The following SLC5A12 variants were observed in gnomAD, a reference collection of about 807,000 sequenced individuals.
SLC5A12 encodes sodium-coupled monocarboxylate transporter 2.
SLC5A12 carries 46 observed loss-of-function variants against 72.7 expected under a neutral mutation model. The observed-to-expected ratio is 0.63, with a 90% CI of 0.50 to 0.81. The LOEUF (loss-of-function observed/expected upper bound fraction) is 0.81. SLC5A12 is among the 30% of genes least tolerant of loss of function. The probability of loss-of-function intolerance (pLI) is 0.00; values close to 1 mark genes in which losing one functional copy is unlikely to be tolerated. For missense variants in SLC5A12, 683 were observed against 740.7 expected, an observed-to-expected ratio of 0.92 and a Z score of 0.90; for synonymous variants, 275 against 264.4, an observed-to-expected ratio of 1.04 and a Z score of -0.39.
intron 13 of SLC5A12, 117 bp downstream of exon 13, chr11:26,678,595 G>T: frequency 1.4e-6 from 1 of 721,224 alleles, no homozygotes; most frequent in Non-Finnish European, 2.4e-6. Flanking sequence ...CATCTCTGTG[G>T]GAAGAAGGGT....
rs1374163950 is a variant in SLC5A12, at chr11:26,686,522, A to G, written c.1176T>C (p.Cys392=). 16 of 1,614,038 alleles carry G rather than the reference A, an allele frequency of 9.9e-6. No homozygotes were observed. Among genetic ancestry groups the G allele is most frequent in the Middle Eastern group, 1.7e-4 (1 of 6,060 alleles). Residue 392 remains cysteine (C), a synonymous_variant, in exon 10 of 15, where the codon TGT becomes TGC. Transcript: ENST00000396005. ...CAGATGCAGCCACAGCCATAGAGGTACACATCACGCCAAATAAGAGACCTG... is the reference window on the plus strand; with the variant it reads ...CAGATGCAGCCACAGCCATAGAGGTGCACATCACGCCAAATAAGAGACCTG... The part of the protein sequence containing the change: ...KGLCLLFGVM[C]TSMAVAASVM...
At chr11:26,716,058 A>G (rs1855342816) in intron 1 of SLC5A12, among the ~76,000 whole-genome samples, 1 of 152,254 alleles carries the variant, frequency 6.6e-6, no homozygotes, top group Non-Finnish European at 1.5e-5. Context: ...AGGTGTAACA[A>G]AAACCAAAAA....
At chr11:26,688,450 C>G (rs1413853868) in intron 9 of SLC5A12, among the ~76,000 whole-genome samples, 2 of 152,196 alleles carry the variant, frequency 1.3e-5, no homozygotes, top group Non-Finnish European at 2.9e-5. Flanking sequence ...CAAGGCAATT[C>G]AGCTACCCAG....
In SLC5A12 at chr11:26,692,523, G is replaced by A. The variant is rs565474066; in HGVS notation, c.1119C>T (p.Ser373=). The A allele has an allele frequency of 2.4e-5, 39 of 1,613,838 alleles. No individual in the cohort carries two copies. The highest frequency in any genetic ancestry group is 1.7e-4 in the Middle Eastern group (1 of 6,060). The part of the protein sequence containing the change: ...DFVKSCFPHL[S]DKLSTWISKG... ...TACTGATCCAGGTGCTCAGCTTGTCGGAGAGATGAGGAAAACAGCTCTTGA... is the reference window on the plus strand; with the variant it reads ...TACTGATCCAGGTGCTCAGCTTGTCAGAGAGATGAGGAAAACAGCTCTTGA... Residue 373 remains serine (S), a synonymous_variant, in exon 9 of 15, where the codon TCC becomes TCT. Transcript: ENST00000396005.
At chr11:26,672,154 C>G (rs1399869217) in intron 14 of SLC5A12, among the ~76,000 whole-genome samples, 2 of 152,104 alleles carry the variant, frequency 1.3e-5, no homozygotes, top group African/African-American at 4.8e-5. Context: ...CTGCACCTAA[C>G]TTCTGTATTC....
At chr11:26,721,330 G>A (rs1590747004) in intron 1 of SLC5A12, 46 bp downstream of exon 1, 2 of 1,423,728 alleles carry the variant, frequency 1.4e-6, no homozygotes, top group South Asian at 1.4e-5. Flanking sequence ...CTATCATCAA[G>A]AGGATGAGAA....
intron 3 of SLC5A12, 73 bp downstream of exon 3, chr11:26,711,234 A>G: frequency 3.2e-6 from 4 of 1,251,782 alleles, no homozygotes; most frequent in Non-Finnish European, 4.6e-6. Flanking sequence ...AAAGTATTTT[A>G]TTTCTAATTC....
At chr11:26,678,911 C>T (rs1451870393) in intron 12 of SLC5A12, 96 bp from the exon 13 acceptor site, 8 of 646,644 alleles carry the variant, frequency 1.2e-5, no homozygotes, top group Non-Finnish European at 2.0e-5. Context: ...CCTGGCATCT[C>T]AAAAGCCTAA....
chr11:26,678,864 CA>C, intron 12 of SLC5A12, 49 bp from the exon 13 acceptor site: 1 of 1,318,928 alleles, frequency 7.6e-7, no homozygotes, highest in Non-Finnish European at 1.1e-6. Context: ...TAAAGACCCA[CA>C]GTGATGTAGA....
At chr11:26,691,732 A>G (rs888623917) in intron 9 of SLC5A12, 3 of 152,314 alleles carry the variant, frequency 2.0e-5, no homozygotes, top group African/African-American at 7.2e-5. Context: ...TAGTAAGTAA[A>G]TACATAATTT....
In SLC5A12 at chr11:26,712,676, G is replaced by A. The variant is rs145373937; in HGVS notation, c.370C>T (p.Arg124Cys). 32 of 1,590,158 alleles carry A rather than the reference G, an allele frequency of 2.0e-5. No individual in the cohort carries two copies. The highest frequency in any genetic ancestry group is 4.5e-5 in the East Asian group (2 of 44,530). Residue 124 changes from arginine (R) to cysteine (C), a missense_variant, in exon 2 of 15, where the codon CGC becomes TGC. Physicochemically the swap from Arg to Cys is radical, Grantham distance 180. Coordinates refer to ENST00000396005, the MANE Select transcript of SLC5A12 (RefSeq NM_178498.4). ...ATGTAGATGACCGTGGCAGCATAGC[G>A]AACTGGTTTGTTGAATCGTAGTTGT... ...YLQLRFNKPV[R>C]YAATVIYIVQ...
At chr11:26,681,462 G>T (rs1854410646) in intron 11 of SLC5A12, among the ~76,000 whole-genome samples, 1 of 152,068 alleles carries the variant, frequency 6.6e-6, no homozygotes, top group Admixed American at 6.6e-5. Context: ...ATTATATTTA[G>T]ATTTCTAGCA....
chr11:26,719,162 A>C (rs1189040569), intron 1 of SLC5A12, among the ~76,000 whole-genome samples: 1 of 152,232 alleles, frequency 6.6e-6, no homozygotes, highest in Admixed American at 6.5e-5. Context: ...CAAAGTAAGT[A>C]AATTGTTCAA....
At position 26,670,431 on chromosome 11, in the gene SLC5A12, T is replaced by C. The variant is rs2133124650; in HGVS notation, c.*671A>G. ...ACAAAAGGAGCAAAGTTTTTAGTTA[T>C]AATCACTCCCACTAGCCAGACATAC... On this transcript the variant is annotated 3_prime_UTR_variant, in exon 15 of 15. Coordinates refer to ENST00000396005, the MANE Select transcript of SLC5A12 (RefSeq NM_178498.4). The C allele has an allele frequency of 6.6e-6, 1 of 152,188 alleles. No individual in the cohort carries two copies. The allele number at this position is 152,188 out of a possible 1,614,324, so 9.4% of individuals were successfully genotyped here. A position where few individuals can be genotyped will look rare whatever the true frequency, so the allele number is the denominator to read the frequency against.
chr11:26,701,095 C>T (rs1854947213), intron 6 of SLC5A12, among the ~76,000 whole-genome samples: 1 of 152,152 alleles, frequency 6.6e-6, no homozygotes. Context: ...GAGTGGCTTC[C>T]AGATGCCCCT....
intron 4 of SLC5A12, among the ~76,000 whole-genome samples, chr11:26,704,279 G>C (rs1855034283): frequency 6.6e-6 from 1 of 152,284 alleles, no homozygotes; most frequent in East Asian, 1.9e-4. Context: ...ACCTGGTCTT[G>C]AGGAAATGAT....
chr11:26,685,623 C>CAA (rs145824876), intron 10 of SLC5A12, among the ~76,000 whole-genome samples: 2,030 of 150,012 alleles, frequency 0.014, 42 homozygotes, highest in African/African-American at 0.046. Context: ...AACAAACAAA[C>CAA]AAAAAAACAA....
At chr11:26,709,537 G>GA (rs1263189448) in intron 3 of SLC5A12, among the ~76,000 whole-genome samples, 158 bp from the exon 4 acceptor site, 1 of 152,042 alleles carries the variant, frequency 6.6e-6, no homozygotes, top group African/African-American at 2.4e-5. Flanking sequence ...TCACCTTCGA[G>GA]AAAGATTATT....
chr11:26,697,735 T>C (rs1290777077), intron 7 of SLC5A12, among the ~76,000 whole-genome samples: 1 of 151,948 alleles, frequency 6.6e-6, no homozygotes, highest in Non-Finnish European at 1.5e-5. Flanking sequence ...TAAGGGTCGT[T>C]TTCTTCAATC....
Sources: gnomAD v4.1 joint callset for allele counts (sites outside exome capture counted in the v4.1 genomes callset) on GRCh38, gnomAD v4.1.1 for gene constraint, MANE v1.5 for transcripts, NCBI Gene and HGNC (gene_info 2026-07-23, HGNC 2026-07-21) for gene names.